Variants in CYRIB observed in about 807,000 individuals in gnomAD.
CYRIB encodes the protein CYFIP-related Rac1 interactor B.
A neutral mutation model predicts 44.2 loss-of-function variants in CYRIB; 8 were observed. The observed-to-expected ratio is 0.18, with a 90% CI of 0.11 to 0.33. The LOEUF (loss-of-function observed/expected upper bound fraction) is 0.33, where lower values mean the gene tolerates loss of function less well. Among genes scored for constraint, CYRIB ranks in the 10% least tolerant of loss-of-function variants. The probability of loss-of-function intolerance (pLI) is 1.00; values close to 1 mark genes in which losing one functional copy is unlikely to be tolerated. For synonymous variants in CYRIB, 131 were observed against 127.2 expected (o/e 1.03, Z -0.20); for missense variants, 185 against 382.8 (o/e 0.48, Z 4.31).
At chr8:129,946,159 G>C (rs1215674497) in intron 2 of CYRIB, among the ~76,000 whole-genome samples, 1 of 152,140 alleles carries the variant, frequency 6.6e-6, no homozygotes, top group Non-Finnish European at 1.5e-5. Flanking sequence ...AAGCTCCCTG[G>C]ATTGTAATTA....
At chr8:129,967,528 T>C (rs376121533) in intron 2 of CYRIB, among the ~76,000 whole-genome samples, 43 of 152,070 alleles carry the variant, frequency 2.8e-4, no homozygotes, top group East Asian at 9.7e-4. Flanking sequence ...TACAGGCGCC[T>C]GCCACCATGC....
At chr8:129,875,765 T>C (rs1431392356) in intron 3 of CYRIB, among the ~76,000 whole-genome samples, 1 of 152,090 alleles carries the variant, frequency 6.6e-6, no homozygotes, top group Non-Finnish European at 1.5e-5. Flanking sequence ...CTGTATTAGT[T>C]CAAAACATTC....
chr8:129,976,811 T>C (rs1264736992), intron 1 of CYRIB, among the ~76,000 whole-genome samples: 1 of 152,078 alleles, frequency 6.6e-6, no homozygotes, highest in African/African-American at 2.4e-5. Flanking sequence ...TGTGTGTGTG[T>C]TTATGTGTTG....
chr8:129,901,915 A>G (rs2072316764), intron 2 of CYRIB, among the ~76,000 whole-genome samples: 1 of 152,350 alleles, frequency 6.6e-6, no homozygotes, highest in East Asian at 1.9e-4. Context: ...AGAAGCACAC[A>G]TATTACTTAT....
At chr8:129,863,124 A>G (rs2050848355) in intron 4 of CYRIB, among the ~76,000 whole-genome samples, 1 of 152,196 alleles carries the variant, frequency 6.6e-6, no homozygotes, top group African/African-American at 2.4e-5. Context: ...TAAGATGCCA[A>G]CTCTGGGAAC....
chr8:129,887,608 C>A lies in CYRIB; in HGVS notation c.-10-8137G>T, dbSNP rs533252885. ...CTGGAAAAGCCACACTCAATGCCAGCCCTTGAGAGCAGCCATGGGAGGTAA... is the reference window on the plus strand; with the variant it reads ...CTGGAAAAGCCACACTCAATGCCAGACCTTGAGAGCAGCCATGGGAGGTAA... On this transcript the variant is annotated intron_variant, in intron 2 of 11. Transcript: ENST00000519824. Among the ~76,000 whole-genome samples, 61 of 152,268 alleles carry A rather than the reference C, an allele frequency of 4.0e-4. 1 individual carries two copies. Among genetic ancestry groups the A allele is most frequent in the African/African-American group, 1.4e-3 (60 of 41,564 alleles).
chr8:129,881,068 T>C (rs1256341846), intron 2 of CYRIB, among the ~76,000 whole-genome samples: 1 of 152,206 alleles, frequency 6.6e-6, no homozygotes, highest in Non-Finnish European at 1.5e-5. Context: ...ATACCATGTA[T>C]GGAACTTAAA....
At chr8:129,919,235 T>G (rs935582817) in intron 1 of CYRIB, among the ~76,000 whole-genome samples, 6 of 152,188 alleles carry the variant, frequency 3.9e-5, no homozygotes, top group Non-Finnish European at 8.8e-5. Context: ...ATAACCACTT[T>G]GGAGTGATAT....
chr8:129,913,841 A>C (rs545824069), intron 1 of CYRIB, among the ~76,000 whole-genome samples: 21 of 152,344 alleles, frequency 1.4e-4, no homozygotes, highest in Admixed American at 6.5e-4. Flanking sequence ...GACTCTATAA[A>C]TGAAAGTTGA....
chr8:129,849,549 C>A, intron 9 of CYRIB, 180 bp from the exon 12 acceptor site: 1 of 520,048 alleles, frequency 1.9e-6, no homozygotes. Flanking sequence ...GTTTTCCTTT[C>A]CAAATCAACC....
At chr8:129,843,887 A>C (rs2038083693) in intron 11 of CYRIB, 1 of 152,232 alleles carries the variant, frequency 6.6e-6, no homozygotes, top group African/African-American at 2.4e-5. Flanking sequence ...TTGAATAGGT[A>C]TCAGCGTGCC....
At chr8:130,002,451 A>C (rs1217396939) in intron 1 of CYRIB, among the ~76,000 whole-genome samples, 2 of 152,184 alleles carry the variant, frequency 1.3e-5, no homozygotes, top group Non-Finnish European at 2.9e-5. Context: ...ACAGAAGAGA[A>C]GAAAAGAAGA....
intron 1 of CYRIB, among the ~76,000 whole-genome samples, chr8:129,911,792 T>C (rs911485031): frequency 1.1e-4 from 17 of 152,330 alleles, no homozygotes; most frequent in African/African-American, 1.9e-4. Context: ...GAGGACATTA[T>C]ACAGAACCTT....
intron 1 of CYRIB, among the ~76,000 whole-genome samples, chr8:129,934,425 C>G (rs1212574312): frequency 1.3e-5 from 2 of 152,138 alleles, no homozygotes; most frequent in African/African-American, 4.8e-5. Context: ...TATAATATCA[C>G]ATTATGATAT....
At chr8:129,909,851 G>T (rs1323136234) in intron 1 of CYRIB, among the ~76,000 whole-genome samples, 1 of 152,216 alleles carries the variant, frequency 6.6e-6, no homozygotes, top group Non-Finnish European at 1.5e-5. Context: ...TCACGCTCTT[G>T]CCTACTGACA....
At chr8:129,874,526 C>A (rs537073534) in intron 3 of CYRIB, among the ~76,000 whole-genome samples, 1 of 152,162 alleles carries the variant, frequency 6.6e-6, no homozygotes, top group South Asian at 2.1e-4. Flanking sequence ...AATAAACCTA[C>A]GCAATCTATC....
chr8:129,953,287 G>A (rs1422453116), intron 2 of CYRIB, among the ~76,000 whole-genome samples: 1 of 152,148 alleles, frequency 6.6e-6, no homozygotes, highest in Admixed American at 6.5e-5. Context: ...AGATGTCCAG[G>A]GAAGGACTTG....
chr8:129,902,666 C>G (rs2072903170), intron 2 of CYRIB, among the ~76,000 whole-genome samples: 1 of 152,120 alleles, frequency 6.6e-6, no homozygotes, highest in Admixed American at 6.5e-5. Flanking sequence ...AAAATATACT[C>G]TGTTTATAAC....
At chr8:129,981,630 G>A (rs879712487) in intron 1 of CYRIB, among the ~76,000 whole-genome samples, 5 of 152,200 alleles carry the variant, frequency 3.3e-5, no homozygotes, top group Non-Finnish European at 5.9e-5. Context: ...TGCAGAGATA[G>A]AGAATATTAT....
Sources: allele counts gnomAD v4.1 joint callset (sites outside exome capture counted in the v4.1 genomes callset), GRCh38; gene constraint gnomAD v4.1.1; transcripts MANE v1.5; gene names NCBI Gene and HGNC (gene_info 2026-07-23, HGNC 2026-07-21).